Variants in FRMPD1 observed in about 807,000 individuals in gnomAD.
FRMPD1 encodes the protein FERM and PDZ domain-containing protein 1.
In FRMPD1, 76 loss-of-function variants were observed where a neutral mutation model predicts 117.8. The observed-to-expected ratio is 0.65, with a 90% CI of 0.54 to 0.78. FRMPD1 has a LOEUF of 0.78. Among genes scored for constraint, FRMPD1 ranks in the 30% least tolerant of loss-of-function variants. The pLI, the probability that FRMPD1 is intolerant of heterozygous loss-of-function variation, is 0.00. For synonymous variants in FRMPD1, 783 were observed against 770.4 expected, an observed-to-expected ratio of 1.02 and a Z score of -0.27; for missense variants, 1,786 against 1,964.5, an observed-to-expected ratio of 0.91 and a Z score of 1.72.
the FRMPD1 span, among the ~76,000 whole-genome samples, chr9:37,627,789 TCTTA>T: frequency 1.3e-5 from 2 of 152,264 alleles, no homozygotes; most frequent in African/African-American, 2.4e-5. Flanking sequence ...GGTGAAGGAT[TCTTA>T]CTTAGGTACT....
the FRMPD1 span, among the ~76,000 whole-genome samples, chr9:37,640,904 A>G: frequency 3.3e-3 from 496 of 152,304 alleles, 3 homozygotes; most frequent in African/African-American, 0.011. Flanking sequence ...ATTTAGAGAC[A>G]GGGTCTCGCT....
At chr9:37,719,925 A>G (rs2118262999) in intron 6 of FRMPD1, among the ~76,000 whole-genome samples, 1 of 152,302 alleles carries the variant, frequency 6.6e-6, no homozygotes, top group South Asian at 2.1e-4. Context: ...TTCCCCCAGT[A>G]GTCTATAACT....
chr9:37,746,507 A>G lies in FRMPD1; in HGVS notation c.4475A>G (p.Asp1492Gly), dbSNP rs747611812. 4 of 1,613,570 alleles carry G rather than the reference A, an allele frequency of 2.5e-6. No individual in the cohort carries two copies. The African/African-American group carries it at 4.0e-5, about 16-fold the overall frequency. ...SPEEMQGAVR[D>G]TFQHLVQLAG... ...GAAGAGATGCAGGGGGCCGTGCGTGACACCTTCCAGCACCTGGTCCAGCTG... is the reference window on the plus strand; with the variant it reads ...GAAGAGATGCAGGGGGCCGTGCGTGGCACCTTCCAGCACCTGGTCCAGCTG... Residue 1492 changes from aspartate (D) to glycine (G), a missense_variant, in exon 16 of 16, where the codon GAC becomes GGC. Transcript: ENST00000377765.
At chr9:37,693,806 C>A (rs1232825041) in intron 2 of FRMPD1, among the ~76,000 whole-genome samples, 1 of 152,190 alleles carries the variant, frequency 6.6e-6, no homozygotes, top group Admixed American at 6.5e-5. Flanking sequence ...TGGACCTGGG[C>A]TCCTGGGCCA....
rs1823782554 is a variant in FRMPD1 at position 37,729,778 on chromosome 9, C to T, written c.663C>T (p.Tyr221=). Residue 221 remains tyrosine (Y), a synonymous_variant, in exon 8 of 16, where the codon TAC becomes TAT. Transcript: ENST00000377765. ...KEKLSIRSIE[Y]FALALEEQYS... ...AGCTGTCCATCCGAAGTATCGAGTACTTTGCACTGGCCCTGGAAGAGCAGT... is the reference window on the plus strand; with the variant it reads ...AGCTGTCCATCCGAAGTATCGAGTATTTTGCACTGGCCCTGGAAGAGCAGT... 1 of 1,614,030 alleles carries T rather than the reference C, an allele frequency of 6.2e-7. No individual in the cohort carries two copies. The highest frequency in any genetic ancestry group is 8.5e-7 in the Non-Finnish European group (1 of 1,179,902).
chr9:37,716,195 G>A lies in FRMPD1; in HGVS notation c.409-2874G>A, dbSNP rs1823111763. On this transcript the variant is annotated intron_variant, in intron 5 of 15. Transcript: ENST00000377765. Reference sequence around the variant, plus strand: ...TTTTCGCAGGCTCAATCACACTGTCGGCTTGGGTGAAACTGGTGACCAACT... The same window carrying A: ...TTTTCGCAGGCTCAATCACACTGTCAGCTTGGGTGAAACTGGTGACCAACT... 2.0e-5 allele frequency among the ~76,000 whole-genome samples: 3 copies of A among 152,268 alleles called. No homozygotes were observed. The South Asian group carries it at 6.2e-4, about 32-fold the overall frequency.
chr9:37,626,642 A>AAAAAAAAAAAAAAAAAAATG, the FRMPD1 span, among the ~76,000 whole-genome samples: 1 of 146,414 alleles, frequency 6.8e-6, no homozygotes, highest in Admixed American at 6.8e-5. Flanking sequence ...AAAAAAAAAA[A>AAAAAAAAAAAAAAAAAAATG]GCTGGAGGTG....
chr9:37,644,057 AT>A, the FRMPD1 span, among the ~76,000 whole-genome samples: 1 of 152,102 alleles, frequency 6.6e-6, no homozygotes, highest in Non-Finnish European at 1.5e-5. Flanking sequence ...ATATTTTCTC[AT>A]TTTCACAAAG....
intron 1 of FRMPD1, chr9:37,662,043 C>G (rs1450405883): frequency 6.6e-6 from 1 of 152,476 alleles, no homozygotes; most frequent in Non-Finnish European, 1.5e-5. Context: ...AGATTGCCCT[C>G]ACATCCATGT....
intron 1 of FRMPD1, among the ~76,000 whole-genome samples, chr9:37,684,317 C>CT (rs1821846174): frequency 6.6e-6 from 1 of 152,178 alleles, no homozygotes; most frequent in African/African-American, 2.4e-5. Context: ...CCTCAGTTTC[C>CT]TTTTTTTGTA....
chr9:37,742,493 T>C (rs1824470365), intron 15 of FRMPD1, among the ~76,000 whole-genome samples: 1 of 152,248 alleles, frequency 6.6e-6, no homozygotes, highest in Non-Finnish European at 1.5e-5. Context: ...TGACTGACTA[T>C]TGGAGCCTCT....
chr9:37,638,109 T>G, the FRMPD1 span, among the ~76,000 whole-genome samples: 7 of 151,570 alleles, frequency 4.6e-5, no homozygotes, highest in East Asian at 1.2e-3. Context: ...AGTCTTGCTC[T>G]GTCGCCCAGC....
chr9:37,606,387 G>A, the FRMPD1 span, among the ~76,000 whole-genome samples: 2 of 152,196 alleles, frequency 1.3e-5, no homozygotes, highest in African/African-American at 2.4e-5. Flanking sequence ...TTTGCTTGTT[G>A]TACTGGTGGC....
Position 37,733,719 on chromosome 9 carries a change from T to TA in FRMPD1, c.1123-11_1123-10insA. Reference sequence around the variant, plus strand: ...AACTCTGACTTCAAGTGTTTTTTTTTCTCTATTAAGCAACTTATTTCTGCT... The same window carrying TA: ...AACTCTGACTTCAAGTGTTTTTTTTTACTCTATTAAGCAACTTATTTCTGCT... On this transcript the variant is annotated splice_polypyrimidine_tract_variant and intron_variant, in intron 11 of 15. Transcript: ENST00000377765. The TA allele has an allele frequency of 6.3e-7, 1 of 1,594,896 alleles. No individual in the cohort carries two copies. Among genetic ancestry groups the TA allele is most frequent in the South Asian group, 1.1e-5 (1 of 90,640 alleles).
chr9:37,680,420 A>G (rs1278554681), intron 1 of FRMPD1, among the ~76,000 whole-genome samples: 4 of 152,218 alleles, frequency 2.6e-5, no homozygotes, highest in African/African-American at 9.7e-5. Context: ...GCATGATCAA[A>G]CCTGTGGTTG....
intron 1 of FRMPD1, among the ~76,000 whole-genome samples, chr9:37,654,765 G>T (rs1442488996): frequency 1.3e-5 from 2 of 152,206 alleles, no homozygotes; most frequent in African/African-American, 4.8e-5. Context: ...GTGTGCACAG[G>T]TATTATCCTC....
intron 1 of FRMPD1, among the ~76,000 whole-genome samples, chr9:37,686,125 T>A (rs922214381): frequency 1.3e-5 from 2 of 152,214 alleles, no homozygotes; most frequent in African/African-American, 4.8e-5. Flanking sequence ...TCCAAGTTGA[T>A]GTGTGCTCTA....
intron 5 of FRMPD1, among the ~76,000 whole-genome samples, chr9:37,718,825 C>T (rs961548950): frequency 3.9e-5 from 6 of 152,176 alleles, no homozygotes; most frequent in African/African-American, 7.2e-5. Context: ...TTGTCTTCAT[C>T]GTATCACAGC....
chr9:37,615,261 C>A, the FRMPD1 span, among the ~76,000 whole-genome samples: 2 of 152,082 alleles, frequency 1.3e-5, no homozygotes, highest in Admixed American at 1.3e-4. Flanking sequence ...CACAGGCATA[C>A]CATGCCTGGC....
Sources: gnomAD v4.1 joint callset for allele counts (sites outside exome capture counted in the v4.1 genomes callset) on GRCh38, gnomAD v4.1.1 for gene constraint, MANE v1.5 for transcripts, NCBI Gene and HGNC (gene_info 2026-07-23, HGNC 2026-07-21) for gene names.